Variants in ASB3 observed in about 807,000 individuals in gnomAD.
ASB3 encodes the protein ankyrin repeat and SOCS box protein 3.
In ASB3, 41 loss-of-function variants were observed where a neutral mutation model predicts 54.5. The ratio of observed to expected loss-of-function variants is 0.75; its 90% CI spans 0.59 to 0.98. The LOEUF (loss-of-function observed/expected upper bound fraction) is 0.98. ASB3 is among the 50% of genes least tolerant of loss of function. The probability of loss-of-function intolerance (pLI) is 0.00; values close to 1 mark genes in which losing one functional copy is unlikely to be tolerated. For missense variants in ASB3, 733 were observed against 620.0 expected, an observed-to-expected ratio of 1.18 and a Z score of -1.94; for synonymous variants, 266 against 221.2, an observed-to-expected ratio of 1.20 and a Z score of -1.80.
chr2:53,750,713 A>C (rs914256871), intron 3 of ASB3, 70 bp downstream of exon 3: 25 of 1,401,324 alleles, frequency 1.8e-5, no homozygotes, highest in Admixed American at 2.6e-5. Flanking sequence ...TGAAGGAAAA[A>C]TTAAGCTTAG....
At chr2:53,724,989 C>G (rs947512748) in intron 5 of ASB3, among the ~76,000 whole-genome samples, 1 of 152,126 alleles carries the variant, frequency 6.6e-6, no homozygotes, top group Non-Finnish European at 1.5e-5. Flanking sequence ...GCATGTTCAT[C>G]ACGGCACCAT....
intron 8 of ASB3, among the ~76,000 whole-genome samples, chr2:53,698,957 C>T (rs565998593): frequency 3.9e-5 from 6 of 152,312 alleles, no homozygotes; most frequent in Middle Eastern, 3.4e-3. Context: ...AGCAACAGCC[C>T]CACTTCTCAG....
At chr2:53,724,993 G>A (rs1334463196) in intron 5 of ASB3, among the ~76,000 whole-genome samples, 3 of 151,962 alleles carry the variant, frequency 2.0e-5, no homozygotes, top group Non-Finnish European at 4.4e-5. Flanking sequence ...GTTCATCACG[G>A]CACCATTCAC....
chr2:53,752,128 G>A (rs1572967695), intron 2 of ASB3, among the ~76,000 whole-genome samples: 1 of 152,150 alleles, frequency 6.6e-6, no homozygotes, highest in Non-Finnish European at 1.5e-5. Flanking sequence ...ATATTATAAA[G>A]ATGCTGATTC....
At chr2:53,783,502 CAT>C (rs1386595901) in intron 1 of ASB3, among the ~76,000 whole-genome samples, 12 of 151,744 alleles carry the variant, frequency 7.9e-5, no homozygotes, top group Non-Finnish European at 1.0e-4. Context: ...AAATAGGATT[CAT>C]AGAGTGCCAA....
chr2:53,763,668 C>T (rs914633411), intron 2 of ASB3: 1 of 169,382 alleles, frequency 5.9e-6, no homozygotes, highest in Non-Finnish European at 1.5e-5. Flanking sequence ...CCCAAGTTTA[C>T]TCAGCAGATG....
intron 7 of ASB3, among the ~76,000 whole-genome samples, chr2:53,702,218 T>C (rs1043430170): frequency 9.2e-5 from 14 of 152,110 alleles, no homozygotes; most frequent in African/African-American, 3.1e-4. Context: ...ATATAGACCA[T>C]TTCCCAAAAA....
At chr2:53,734,172 TGGCCAGTTTTCG>T (rs1671485139) in intron 3 of ASB3, among the ~76,000 whole-genome samples, 1 of 152,202 alleles carries the variant, frequency 6.6e-6, no homozygotes, top group African/African-American at 2.4e-5. Flanking sequence ...ATTTTGTTTA[TGGCCAGTTTTCG>T]GGCCAGTTTA....
At position 53,768,266 on chromosome 2, in the gene ASB3, G is replaced by A. The variant is rs563265112; in HGVS notation, c.-13-2681C>T. 1.4e-4 allele frequency: 62 copies of A among 459,006 alleles called. No individual in the cohort carries two copies. The East Asian group carries it at 2.1e-3, about 16-fold the overall frequency. 28.4% of individuals were successfully genotyped at this position (459,006 alleles called of 1,614,324 possible). A position where few individuals can be genotyped will look rare whatever the true frequency, so the allele number is the denominator to read the frequency against. ...GTCTCTAGAGACGGCGAGAAGCGCGGGCACAGGCGCACGAGCTCGCACCAG... is the reference window on the plus strand; with the variant it reads ...GTCTCTAGAGACGGCGAGAAGCGCGAGCACAGGCGCACGAGCTCGCACCAG... On this transcript the variant is annotated intron_variant, in intron 1 of 9. Coordinates refer to ENST00000263634, the MANE Select transcript of ASB3 (RefSeq NM_016115.5).
rs935859098 is a variant in ASB3, at chr2:53,700,192, C to T, written c.1238+79G>A. 51 of 1,534,732 alleles carry T rather than the reference C, an allele frequency of 3.3e-5. No individual in the cohort carries two copies. In the South Asian group the frequency reaches 5.7e-4, roughly 17 times the overall value. ...AAACACAGATACCCTTCTCCAAACA[C>T]TGGGATCTCAACTGAAGGAAATTAA... On this transcript the variant is annotated intron_variant, in intron 8 of 9. Transcript: ENST00000263634.
intron 3 of ASB3, among the ~76,000 whole-genome samples, chr2:53,734,517 C>A (rs768584410): frequency 6.6e-6 from 1 of 152,110 alleles, no homozygotes; most frequent in Non-Finnish European, 1.5e-5. Context: ...CTATTATGTA[C>A]CAGGTAATAT....
At chr2:53,702,628 G>A (rs1669553020) in intron 7 of ASB3, among the ~76,000 whole-genome samples, 1 of 152,078 alleles carries the variant, frequency 6.6e-6, no homozygotes, top group African/African-American at 2.4e-5. Context: ...TATAAGAAGT[G>A]AACAACATCA....
intron 1 of ASB3, among the ~76,000 whole-genome samples, chr2:53,776,935 AC>A (rs1674372371): frequency 6.6e-6 from 1 of 152,240 alleles, no homozygotes; most frequent in Non-Finnish European, 1.5e-5. Context: ...CAATTAAAAT[AC>A]CAAAATTTTT....
intron 2 of ASB3, among the ~76,000 whole-genome samples, chr2:53,753,504 G>A (rs764852848): frequency 2.6e-5 from 4 of 152,048 alleles, no homozygotes; most frequent in Admixed American, 6.6e-5. Context: ...GGCTAGACAC[G>A]GAAACAACTA....
At chr2:53,715,411 A>G (rs546492249) in intron 6 of ASB3, among the ~76,000 whole-genome samples, 6 of 152,296 alleles carry the variant, frequency 3.9e-5, no homozygotes, top group Non-Finnish European at 5.9e-5. Context: ...CATGTAATGT[A>G]TGTCTAAGAT....
intron 9 of ASB3, among the ~76,000 whole-genome samples, chr2:53,679,994 C>T (rs7586163): frequency 6.6e-6 from 1 of 152,106 alleles, no homozygotes; most frequent in Non-Finnish European, 1.5e-5. Context: ...ACATGTAGTA[C>T]ATGGTTTTCT....
chr2:53,740,380 C>T (rs1453039661), intron 3 of ASB3, among the ~76,000 whole-genome samples: 1 of 152,148 alleles, frequency 6.6e-6, no homozygotes, highest in Non-Finnish European at 1.5e-5. Context: ...TCTGGTGGCA[C>T]TAGAAAAGAA....
intron 4 of ASB3, among the ~76,000 whole-genome samples, chr2:53,729,098 T>C (rs777718657): frequency 1.6e-4 from 24 of 152,116 alleles, no homozygotes; most frequent in Non-Finnish European, 3.2e-4. Flanking sequence ...CCTTATAGAA[T>C]CCTGAAAAAT....
At chr2:53,764,438 A>AT (rs1260905605) in intron 2 of ASB3, among the ~76,000 whole-genome samples, 6 of 152,224 alleles carry the variant, frequency 3.9e-5, no homozygotes, top group Non-Finnish European at 8.8e-5. Context: ...CTTTTCACCA[A>AT]TAAAATGAGG....
Sources: gnomAD v4.1 joint callset for allele counts (sites outside exome capture counted in the v4.1 genomes callset) on GRCh38, gnomAD v4.1.1 for gene constraint, MANE v1.5 for transcripts, NCBI Gene and HGNC (gene_info 2026-07-23, HGNC 2026-07-21) for gene names.